TENM4: variants seen among roughly 807,000 people sequenced by gnomAD.
The protein encoded by TENM4 is teneurin transmembrane protein 4.
In TENM4, 82 loss-of-function variants were observed where a neutral mutation model predicts 243.3. That is an observed-to-expected ratio of 0.34 (90% confidence interval 0.28 to 0.40). The LOEUF (loss-of-function observed/expected upper bound fraction) is 0.40. TENM4 is among the 10% of genes least tolerant of loss of function. The probability of loss-of-function intolerance (pLI) is 1.00; values close to 1 mark genes in which losing one functional copy is unlikely to be tolerated. For missense variants in TENM4, 3,138 were observed against 3,673.3 expected, an observed-to-expected ratio of 0.85 and a Z score of 3.77; for synonymous variants, 1,412 against 1,456.3, an observed-to-expected ratio of 0.97 and a Z score of 0.69.
intron 4 of TENM4, among the ~76,000 whole-genome samples, chr11:79,088,499 GC>G (rs1325549132): frequency 6.6e-6 from 1 of 152,188 alleles, no homozygotes; most frequent in African/African-American, 2.4e-5. Flanking sequence ...CCAGCTGTGT[GC>G]CAGGCACAAT....
Position 78,712,616 on chromosome 11 carries a change from G to C in TENM4, c.3920C>G (p.Ser1307Cys). 6.2e-7 allele frequency: 1 copy of C among 1,613,970 alleles called. No homozygotes were observed. Among genetic ancestry groups the C allele is most frequent in the South Asian group, 1.1e-5 (1 of 91,078 alleles). Reference sequence around the variant, plus strand: ...GACAAGGTCCTTCACCACCACAGTGGACTTGATTTTAAAGACCCGCCGGCT... The same window carrying C: ...GACAAGGTCCTTCACCACCACAGTGCACTTGATTTTAAAGACCCGCCGGCT... ...SNSRRVFKIK[S>C]TVVVKDLVKN... The change falls in exon 26 of 34, where the codon TCC (serine) becomes TGC (cysteine). Residue 1307 changes from serine (S) to cysteine (C), a missense_variant. Physicochemically the swap from Ser to Cys is moderately radical, Grantham distance 112. Around this residue, in one of 2 missense-constraint regions of TENM4, gnomAD observed 2,467 missense variants for 3,059.1 expected, o/e 0.81. Transcript: ENST00000278550.
At chr11:78,961,905 C>G (rs1248060546) in intron 6 of TENM4, among the ~76,000 whole-genome samples, 2 of 151,990 alleles carry the variant, frequency 1.3e-5, no homozygotes, top group Admixed American at 6.5e-5. Flanking sequence ...TCTGCCTGTC[C>G]GATGTCTCTC....
chr11:78,928,790 T>C (rs1160491662), intron 6 of TENM4, among the ~76,000 whole-genome samples: 1 of 152,238 alleles, frequency 6.6e-6, no homozygotes, highest in African/African-American at 2.4e-5. Context: ...TAAAGTGACA[T>C]GGACCTGGAT....
chr11:78,964,414 G>A (rs976265300), intron 6 of TENM4, among the ~76,000 whole-genome samples: 5 of 152,172 alleles, frequency 3.3e-5, no homozygotes, highest in African/African-American at 1.2e-4. Context: ...GTTGATGTGT[G>A]TGCCACTTGG....
chr11:79,376,943 T>C (rs1348941675), intron 1 of TENM4, among the ~76,000 whole-genome samples: 1 of 152,208 alleles, frequency 6.6e-6, no homozygotes, highest in Non-Finnish European at 1.5e-5. Flanking sequence ...TGTTATCCTA[T>C]TTGGTAAAAG....
intron 3 of TENM4, among the ~76,000 whole-genome samples, chr11:79,172,830 G>A (rs1591331972): frequency 1.3e-5 from 2 of 151,952 alleles, no homozygotes; most frequent in Non-Finnish European, 2.9e-5. Flanking sequence ...TAGTAGAGAC[G>A]GAGTTTCTCC....
At chr11:79,014,807 G>A (rs762640366) in intron 6 of TENM4, 8 of 152,256 alleles carry the variant, frequency 5.3e-5, no homozygotes, top group Non-Finnish European at 1.0e-4. Flanking sequence ...TACCACACCT[G>A]TAGCCTTGGC....
Position 78,676,270 on chromosome 11 carries a change from G to C in TENM4, c.5378C>G (p.Pro1793Arg), listed in dbSNP as rs1165840027. The C allele has an allele frequency of 6.2e-7, 1 of 1,612,690 alleles. No individual in the cohort carries two copies. Among genetic ancestry groups the C allele is most frequent in the Non-Finnish European group, 8.5e-7 (1 of 1,178,982 alleles). ...EPHLLAGTVN[P>R]TVGKRNVTLP... ...CGTGACATTCCTCTTGCCCACGGTGGGGTTGACGGTGCCAGCCAGCAAGTG... is the reference window on the plus strand; with the variant it reads ...CGTGACATTCCTCTTGCCCACGGTGCGGTTGACGGTGCCAGCCAGCAAGTG... The change falls in exon 30 of 34, where the codon CCC (proline) becomes CGC (arginine). Residue 1793 changes from proline (P) to arginine (R), a missense_variant. Pro to Arg is a moderately radical substitution (Grantham distance 103, BLOSUM62 -2). Coordinates refer to ENST00000278550, the MANE Select transcript of TENM4 (RefSeq NM_001098816.3).
At chr11:79,244,314 C>A (rs1855476348) in intron 2 of TENM4, among the ~76,000 whole-genome samples, 1 of 152,170 alleles carries the variant, frequency 6.6e-6, no homozygotes, top group Non-Finnish European at 1.5e-5. Flanking sequence ...CTGCTTAGGC[C>A]TTTCTGTGTT....
rs529155995 is a variant in TENM4 at position 79,421,638 on chromosome 11, C to T, written c.-321+18871G>A. The stretch of plus-strand genomic sequence containing the variant: ...TTGAAAGAGAGTCATCTCGAGGTCA[C>T]CAATAATTAAATAGGAGCTAAAGGA... On this transcript the variant is annotated intron_variant, in intron 1 of 33. Coordinates refer to ENST00000278550, the MANE Select transcript of TENM4 (RefSeq NM_001098816.3). Among the ~76,000 whole-genome samples the T allele has an allele frequency of 4.0e-5, 6 of 150,816 alleles. No individual in the cohort carries two copies. In the South Asian group the frequency reaches 1.3e-3, roughly 32 times the overall value.
At position 79,064,994 on chromosome 11, in the gene TENM4, G is replaced by A. The variant is rs1860207036; in HGVS notation, c.237C>T (p.Thr79=). 4 of 1,459,474 alleles carry A rather than the reference G, an allele frequency of 2.7e-6. No individual in the cohort carries two copies. In the African/African-American group the frequency reaches 4.3e-5, roughly 16 times the overall value. The allele number at this position is 1,459,474 out of a possible 1,614,324, so 90.4% of individuals were successfully genotyped here. A position where few individuals can be genotyped will look rare whatever the true frequency, so the allele number is the denominator to read the frequency against. ...EEFCRTGANF[T]LRELGLEEVT... ...CTTCTTCCAGCCCCAGCTCCCGCAG[G>A]GTGAAGTTGGCACCTGGGAGGAAAC... Residue 79 remains threonine, a synonymous_variant, in exon 6 of 34, where the codon ACC becomes ACT. Coordinates refer to ENST00000278550, the MANE Select transcript of TENM4 (RefSeq NM_001098816.3).
At chr11:78,944,408 T>G (rs1449939950) in intron 6 of TENM4, among the ~76,000 whole-genome samples, 1 of 152,210 alleles carries the variant, frequency 6.6e-6, no homozygotes, top group East Asian at 1.9e-4. Context: ...AAAAACCAGG[T>G]TGCCTTATCT....
chr11:78,658,710 G>T lies in TENM4; in HGVS notation c.7658C>A (p.Ala2553Asp). The stretch of plus-strand genomic sequence containing the variant: ...GGATGCAAACTTCTTGGTCTTTGGA[G>T]CCTGCTGGCAGCTGGTGATTGTGGA... The part of the protein sequence containing the change: ...YGSTITSCQQ[A>D]PKTKKFASSG... The change falls in exon 34 of 34, where the codon GCT becomes GAT. Residue 2553 changes from alanine (A) to aspartate (D), a missense_variant. Around this residue, in one of 2 missense-constraint regions of TENM4, gnomAD observed 2,467 missense variants for 3,059.1 expected, o/e 0.81. Coordinates refer to ENST00000278550, the MANE Select transcript of TENM4 (RefSeq NM_001098816.3). 1.2e-6 allele frequency: 2 copies of T among 1,614,036 alleles called. No individual in the cohort carries two copies. The highest frequency in any genetic ancestry group is 1.7e-6 in the Non-Finnish European group (2 of 1,179,904).
At chr11:79,269,445 CTG>C (rs1396097919) in intron 2 of TENM4, 5 of 152,240 alleles carry the variant, frequency 3.3e-5, no homozygotes, top group African/African-American at 1.2e-4. Context: ...TTCCTACAGA[CTG>C]TCTCCCAGGG....
At chr11:79,221,052 T>C (rs926642939) in intron 2 of TENM4, 2 of 152,218 alleles carry the variant, frequency 1.3e-5, no homozygotes, top group African/African-American at 4.8e-5. Context: ...AATAACATCT[T>C]AATAATGCCA....
chr11:78,942,760 T>A (rs1856928680), intron 6 of TENM4, among the ~76,000 whole-genome samples: 1 of 151,120 alleles, frequency 6.6e-6, no homozygotes, highest in African/African-American at 2.4e-5. Context: ...CTACCTCATT[T>A]GCCTCCCTCT....
At position 78,656,139 on chromosome 11, in the gene TENM4, C is replaced by A. The variant is rs1232668045; in HGVS notation, c.*1919G>T. ...GGTTGCCTCCCTCTGCCAGGCAGAACCCAGACTACATGCTGCTCCGATCCT... is the reference window on the plus strand; with the variant it reads ...GGTTGCCTCCCTCTGCCAGGCAGAAACCAGACTACATGCTGCTCCGATCCT... On this transcript the variant is annotated 3_prime_UTR_variant, in exon 34 of 34. Transcript: ENST00000278550. The A allele has an allele frequency of 6.6e-6, 1 of 152,242 alleles. No individual in the cohort carries two copies. The highest frequency in any genetic ancestry group is 1.5e-5 in the Non-Finnish European group (1 of 68,064). 9.4% of individuals were successfully genotyped at this position (152,242 alleles called of 1,614,324 possible). A position where few individuals can be genotyped will look rare whatever the true frequency, so the allele number is the denominator to read the frequency against.
At position 78,712,591 on chromosome 11, in the gene TENM4, G is replaced by C; in HGVS notation, c.3945C>G (p.Val1315=). The change falls in exon 26 of 34, where the codon GTC becomes GTG. Residue 1315 remains valine, a synonymous_variant. Transcript: ENST00000278550. ...IKSTVVVKDL[V]KNSEVVAGTG... The stretch of plus-strand genomic sequence containing the variant: ...TCCCCGCAACCACCTCAGAGTTCTT[G>C]ACAAGGTCCTTCACCACCACAGTGG... The C allele has an allele frequency of 3.1e-6, 5 of 1,613,976 alleles. No individual in the cohort carries two copies. The highest frequency in any genetic ancestry group is 4.2e-6 in the Non-Finnish European group (5 of 1,179,896).
At chr11:79,275,384 G>T (rs1856038189) in intron 2 of TENM4, among the ~76,000 whole-genome samples, 1 of 152,176 alleles carries the variant, frequency 6.6e-6, no homozygotes, top group Non-Finnish European at 1.5e-5. Context: ...TTATTTATGT[G>T]CAAAAGATGC....
Sources: gnomAD v4.1 joint callset for allele counts (sites outside exome capture counted in the v4.1 genomes callset) on GRCh38, gnomAD v4.1.1 for gene constraint, gnomAD v4.1.1 regional missense constraint, MANE v1.5 for transcripts, NCBI Gene and HGNC (gene_info 2026-07-23, HGNC 2026-07-21) for gene names.